TNIK: variants seen among roughly 807,000 people sequenced by gnomAD.
TNIK encodes TRAF2 and NCK-interacting protein kinase.
A neutral mutation model predicts 191.3 loss-of-function variants in TNIK; 49 were observed. The ratio of observed to expected loss-of-function variants is 0.26; its 90% CI spans 0.20 to 0.32. The LOEUF (loss-of-function observed/expected upper bound fraction) is 0.32. TNIK is among the 10% of genes least tolerant of loss of function. TNIK has a pLI of 1.00. For synonymous variants in TNIK, 594 were observed against 600.9 expected, an observed-to-expected ratio of 0.99 and a Z score of 0.17; for missense variants, 1,155 against 1,702.3, an observed-to-expected ratio of 0.68 and a Z score of 5.66.
chr3:171,325,052 G>T (rs1755593743), intron 2 of TNIK, among the ~76,000 whole-genome samples: 1 of 152,080 alleles, frequency 6.6e-6, no homozygotes, highest in Non-Finnish European at 1.5e-5. Context: ...AATGAGCTGA[G>T]ATGGCGCCAC....
chr3:171,157,641 T>G lies in TNIK; in HGVS notation c.1040A>C (p.Glu347Ala), dbSNP rs1733389125. 2 of 1,555,202 alleles carry G rather than the reference T, an allele frequency of 1.3e-6. No individual in the cohort carries two copies. The highest frequency in any genetic ancestry group is 1.7e-6 in the Non-Finnish European group (2 of 1,149,376). ...CAGAAAGTCCCTCCGCAGCGTCGAC[T>G]CCCCTGGCAGATTCAGGATGGAGCT... The part of the protein sequence containing the change: ...EPSSILNLPG[E>A]STLRRDFLRL... The change falls in exon 12 of 33, where the codon GAG becomes GCG. Residue 347 changes from glutamate (E) to alanine (A), a missense_variant. Around this residue, in one of 3 missense-constraint regions of TNIK, gnomAD observed 225 missense variants for 438.9 expected, o/e 0.51. Coordinates refer to ENST00000436636, the MANE Select transcript of TNIK (RefSeq NM_015028.4).
intron 25 of TNIK, 143 bp from the exon 26 acceptor site, chr3:171,084,468 CTT>C: frequency 2.0e-6 from 2 of 981,580 alleles, no homozygotes; most frequent in South Asian, 2.0e-5. Flanking sequence ...TTATTTTACA[CTT>C]TTTTTTTGTT....
At chr3:171,408,366 C>T (rs1721972744) in intron 1 of TNIK, among the ~76,000 whole-genome samples, 1 of 151,980 alleles carries the variant, frequency 6.6e-6, no homozygotes, top group South Asian at 2.1e-4. Context: ...TGAAAGATAC[C>T]GGTGGCTCAT....
At chr3:171,383,015 A>G (rs1332107351) in intron 1 of TNIK, among the ~76,000 whole-genome samples, 2 of 152,166 alleles carry the variant, frequency 1.3e-5, no homozygotes, top group African/African-American at 4.8e-5. Flanking sequence ...TGCAAAGGTT[A>G]TTTTATTTCA....
In TNIK at chr3:171,411,500, A is replaced by C. The variant is rs188172475; in HGVS notation, c.58-41815T>G. 4.0e-3 allele frequency among the ~76,000 whole-genome samples: 614 copies of C among 152,268 alleles called. 5 individuals carry two copies. Among genetic ancestry groups the C allele is most frequent in the African/African-American group, 0.014 (591 of 41,564 alleles). ...ATTTTATAATGTCATCTGGGTAAAA[A>C]AAAAAGCTATTAATATTTTCATGGA... On this transcript the variant is annotated intron_variant, in intron 1 of 32. Coordinates refer to ENST00000436636, the MANE Select transcript of TNIK (RefSeq NM_015028.4).
At chr3:171,371,259 G>A (rs1716452759) in intron 1 of TNIK, among the ~76,000 whole-genome samples, 2 of 152,160 alleles carry the variant, frequency 1.3e-5, no homozygotes, top group African/African-American at 4.8e-5. Flanking sequence ...TGCTATTCTG[G>A]GGAAAGGGAA....
At chr3:171,455,639 A>T (rs1728707588) in intron 1 of TNIK, among the ~76,000 whole-genome samples, 1 of 152,192 alleles carries the variant, frequency 6.6e-6, no homozygotes, top group African/African-American at 2.4e-5. Flanking sequence ...ATATTTGTAC[A>T]GTGCTGTATG....
At chr3:171,071,845 G>C (rs554148859) in intron 28 of TNIK, among the ~76,000 whole-genome samples, 5 of 152,066 alleles carry the variant, frequency 3.3e-5, no homozygotes, top group African/African-American at 4.8e-5. Flanking sequence ...GGAGTCTTGG[G>C]TTCTGTTAGT....
In TNIK at chr3:171,101,514, C is replaced by T. The variant is rs2108451823; in HGVS notation, c.2526G>A (p.Glu842=). 1 of 1,613,598 alleles carries T rather than the reference C, an allele frequency of 6.2e-7. No individual in the cohort carries two copies. Among genetic ancestry groups the T allele is most frequent in the South Asian group, 1.1e-5 (1 of 91,060 alleles). The change falls in exon 22 of 33, where the codon GAG becomes GAA. Residue 842 remains glutamate, a synonymous_variant. Coordinates refer to ENST00000436636, the MANE Select transcript of TNIK (RefSeq NM_015028.4). ...GGGTCTCGCTCTCTCCATCTTCCTC[C>T]TCTTCCTCGCTACTTTCTGACTCCT... The part of the protein sequence containing the change: ...SSEESESSEE[E]EEDGESETHD...
intron 2 of TNIK, among the ~76,000 whole-genome samples, chr3:171,317,049 A>G (rs1344932547): frequency 6.7e-6 from 1 of 149,594 alleles, no homozygotes; most frequent in Non-Finnish European, 1.5e-5. Flanking sequence ...TTTATAATTA[A>G]AAGATCGTAT....
At chr3:171,237,078 T>C (rs890710060) in intron 2 of TNIK, among the ~76,000 whole-genome samples, 14 of 152,130 alleles carry the variant, frequency 9.2e-5, no homozygotes, top group African/African-American at 3.1e-4. Context: ...AGGAGCAGTC[T>C]CCTGTTCAGA....
At chr3:171,232,197 T>C (rs1743738827) in intron 2 of TNIK, among the ~76,000 whole-genome samples, 1 of 152,112 alleles carries the variant, frequency 6.6e-6, no homozygotes, top group Middle Eastern at 3.4e-3. Context: ...CTAAAATACA[T>C]GTTTCAAGCT....
At chr3:171,341,208 C>G (rs1757470568) in intron 2 of TNIK, among the ~76,000 whole-genome samples, 1 of 152,096 alleles carries the variant, frequency 6.6e-6, no homozygotes, top group South Asian at 2.1e-4. Context: ...CACAGTGACT[C>G]ATGCCTATAA....
intron 4 of TNIK, among the ~76,000 whole-genome samples, chr3:171,210,538 C>T (rs182993408): frequency 6.6e-6 from 1 of 152,274 alleles, no homozygotes; most frequent in Admixed American, 6.5e-5. Flanking sequence ...ACAACCTTTG[C>T]AGAGTCCCTA....
In TNIK at chr3:171,131,897, G is replaced by C. The variant is rs557548897; in HGVS notation, c.1609-3019C>G. 1.4e-4 allele frequency among the ~76,000 whole-genome samples: 21 copies of C among 152,278 alleles called. No homozygotes were observed. The South Asian group carries it at 4.4e-3, about 32-fold the overall frequency. ...TTTCATTATTTTCATACTAGACAAA[G>C]GCCTGTTCCCTGGTTTATCACAACT... On this transcript the variant is annotated intron_variant, in intron 15 of 32. Coordinates refer to ENST00000436636, the MANE Select transcript of TNIK (RefSeq NM_015028.4).
At chr3:171,380,229 T>C (rs1414303838) in intron 1 of TNIK, among the ~76,000 whole-genome samples, 1 of 152,080 alleles carries the variant, frequency 6.6e-6, no homozygotes, top group Non-Finnish European at 1.5e-5. Flanking sequence ...TCCAGACCTG[T>C]CAGGACAGGG....
intron 29 of TNIK, 99 bp downstream of exon 29, chr3:171,071,124 A>G (rs1719122202): frequency 1.1e-5 from 8 of 753,048 alleles, no homozygotes; most frequent in African/African-American, 1.8e-5. Flanking sequence ...TTTATTATCT[A>G]TATGAAAATT....
intron 3 of TNIK, among the ~76,000 whole-genome samples, chr3:171,219,943 G>C (rs1157932866): frequency 6.6e-6 from 1 of 152,144 alleles, no homozygotes; most frequent in Non-Finnish European, 1.5e-5. Flanking sequence ...ACATGCACAT[G>C]TATGTTTATT....
At chr3:171,104,650 ATAG>A in intron 21 of TNIK, among the ~76,000 whole-genome samples, 1 of 152,062 alleles carries the variant, frequency 6.6e-6, no homozygotes, top group Non-Finnish European at 1.5e-5. Context: ...TAGAAACAAT[ATAG>A]TTTATTCAAA....
Sources: gnomAD v4.1 joint callset for allele counts (sites outside exome capture counted in the v4.1 genomes callset) on GRCh38, gnomAD v4.1.1 for gene constraint, gnomAD v4.1.1 regional missense constraint, MANE v1.5 for transcripts, NCBI Gene and HGNC (gene_info 2026-07-23, HGNC 2026-07-21) for gene names.